SCFD2: variants seen among roughly 807,000 people sequenced by gnomAD.
SCFD2 encodes sec1 family domain-containing protein 2.
In SCFD2, 54 loss-of-function variants were observed where a neutral mutation model predicts 58.9. The observed-to-expected ratio is 0.92, with a 90% CI of 0.74 to 1.15. SCFD2 has a LOEUF of 1.15. SCFD2 is among the 50% of genes most tolerant of loss of function. The pLI is 0.00. For synonymous variants in SCFD2, 321 were observed against 335.9 expected (o/e 0.96, Z 0.49); for missense variants, 805 against 836.6 (o/e 0.96, Z 0.47).
intron 5 of SCFD2, among the ~76,000 whole-genome samples, chr4:53,139,638 C>T (rs71621063): frequency 0.43 from 64,296 of 148,928 alleles, 13,791 homozygotes; most frequent in South Asian, 0.51. Context: ...TGGGGGGCGC[C>T]TCTGCCCGGC....
At chr4:53,055,054 C>G (rs1176266198) in intron 5 of SCFD2, among the ~76,000 whole-genome samples, 1 of 152,146 alleles carries the variant, frequency 6.6e-6, no homozygotes, top group Non-Finnish European at 1.5e-5. Context: ...TGAGCTAGAC[C>G]AGGATATTCA....
At chr4:53,119,565 G>A (rs1434135309) in intron 5 of SCFD2, among the ~76,000 whole-genome samples, 1 of 152,128 alleles carries the variant, frequency 6.6e-6, no homozygotes, top group African/African-American at 2.4e-5. Context: ...AATAAAGCCA[G>A]CTTAAAACTC....
intron 5 of SCFD2, among the ~76,000 whole-genome samples, chr4:53,105,158 A>C (rs1724951113): frequency 2.0e-5 from 3 of 152,012 alleles, no homozygotes; most frequent in Admixed American, 1.3e-4. Flanking sequence ...TCCGGCCCAG[A>C]TACTATGCTT....
chr4:53,264,231 A>G (rs1163010381), intron 4 of SCFD2, among the ~76,000 whole-genome samples: 1 of 152,160 alleles, frequency 6.6e-6, no homozygotes, highest in Non-Finnish European at 1.5e-5. Context: ...CAGCCTCTCC[A>G]CTGAGAAAGC....
chr4:52,958,629 C>T (rs1720766896), intron 5 of SCFD2, among the ~76,000 whole-genome samples: 1 of 152,136 alleles, frequency 6.6e-6, no homozygotes, highest in East Asian at 1.9e-4. Context: ...GAGAAAGGAA[C>T]AGCTCTCGGA....
At chr4:53,125,506 A>T (rs1725601161) in intron 5 of SCFD2, among the ~76,000 whole-genome samples, 1 of 152,218 alleles carries the variant, frequency 6.6e-6, no homozygotes, top group Admixed American at 6.5e-5. Flanking sequence ...ATTCTCCTGC[A>T]TGTAGGCAAA....
chr4:52,969,716 A>T (rs1298144009), intron 5 of SCFD2, among the ~76,000 whole-genome samples: 1 of 152,200 alleles, frequency 6.6e-6, no homozygotes, highest in South Asian at 2.1e-4. Flanking sequence ...TGACTATGAT[A>T]AGCAGAGCCT....
chr4:53,108,888 C>A (rs1725084706), intron 5 of SCFD2, among the ~76,000 whole-genome samples: 4 of 152,160 alleles, frequency 2.6e-5, no homozygotes, highest in Admixed American at 2.6e-4. Flanking sequence ...CATCCTGACA[C>A]CAAAACCTGG....
intron 5 of SCFD2, among the ~76,000 whole-genome samples, chr4:53,066,136 G>A (rs940938520): frequency 2.0e-5 from 3 of 152,028 alleles, no homozygotes; most frequent in African/African-American, 7.2e-5. Flanking sequence ...AGGACTAATT[G>A]TCTTTGAAGT....
chr4:52,962,585 C>G (rs546053606), intron 5 of SCFD2, among the ~76,000 whole-genome samples: 1 of 152,048 alleles, frequency 6.6e-6, no homozygotes, highest in East Asian at 1.9e-4. Context: ...GCCACATTCT[C>G]AAAATATGAT....
At chr4:53,231,204 C>G (rs1245350190) in intron 4 of SCFD2, among the ~76,000 whole-genome samples, 1 of 152,042 alleles carries the variant, frequency 6.6e-6, no homozygotes, top group Non-Finnish European at 1.5e-5. Context: ...TAATACTGAA[C>G]AAAGTGTTTC....
At chr4:52,995,824 G>C (rs562723873) in intron 5 of SCFD2, among the ~76,000 whole-genome samples, 16 of 152,310 alleles carry the variant, frequency 1.1e-4, no homozygotes, top group Middle Eastern at 6.8e-3. Context: ...TTCCACTGCT[G>C]TGTTATGTCC....
chr4:53,062,397 T>C (rs1432165195), intron 5 of SCFD2, among the ~76,000 whole-genome samples: 2 of 150,484 alleles, frequency 1.3e-5, no homozygotes, highest in South Asian at 2.1e-4. Flanking sequence ...ATAACAATAA[T>C]AATAATAATA....
At chr4:53,218,104 T>C (rs1259252783) in intron 4 of SCFD2, among the ~76,000 whole-genome samples, 1 of 152,218 alleles carries the variant, frequency 6.6e-6, no homozygotes, top group Non-Finnish European at 1.5e-5. Context: ...CTTTGGTGAA[T>C]CTGACAATTA....
chr4:53,142,595 A>G (rs1726202768), intron 5 of SCFD2, among the ~76,000 whole-genome samples: 1 of 152,242 alleles, frequency 6.6e-6, no homozygotes, highest in Non-Finnish European at 1.5e-5. Context: ...AAGGCAATTC[A>G]GTTTTCCAAT....
intron 5 of SCFD2, among the ~76,000 whole-genome samples, chr4:53,120,876 TTG>T (rs1431053988): frequency 2.0e-5 from 3 of 152,204 alleles, no homozygotes; most frequent in Non-Finnish European, 4.4e-5. Flanking sequence ...TCCAAACTCT[TTG>T]TGTACTTAAA....
At chr4:52,920,959 G>GC (rs772719455) in intron 5 of SCFD2, 89 bp from the exon 6 acceptor site, 5 of 520,146 alleles carry the variant, frequency 9.6e-6, no homozygotes, top group Non-Finnish European at 1.5e-5. Flanking sequence ...TAGTTGGGAG[G>GC]TTTTTTTTTT....
chr4:53,262,923 C>T (rs1199681852), intron 4 of SCFD2, among the ~76,000 whole-genome samples: 1 of 152,144 alleles, frequency 6.6e-6, no homozygotes, highest in Non-Finnish European at 1.5e-5. Context: ...TAGTCCCAAG[C>T]TTCCTGGAGG....
At chr4:53,239,438 GGGAGAGGGA>G in intron 4 of SCFD2, among the ~76,000 whole-genome samples, 1 of 98,536 alleles carries the variant, frequency 1.0e-5, no homozygotes, top group Non-Finnish European at 2.1e-5. Context: ...AGGAGGGAGA[GGGAGAGGGA>G]GAGGGAGAGG....
Sources: allele counts gnomAD v4.1 joint callset (sites outside exome capture counted in the v4.1 genomes callset), GRCh38; gene constraint gnomAD v4.1.1; transcripts MANE v1.5; gene names NCBI Gene and HGNC (gene_info 2026-07-23, HGNC 2026-07-21).